Variants in CDK5RAP2 observed in about 807,000 individuals in gnomAD.
CDK5RAP2 encodes CDK5 regulatory subunit-associated protein 2.
A neutral mutation model predicts 232.9 loss-of-function variants in CDK5RAP2; 147 were observed. That is an observed-to-expected ratio of 0.63 (90% CI 0.55 to 0.72). The LOEUF (loss-of-function observed/expected upper bound fraction) is 0.72, where lower values mean the gene tolerates loss of function less well. Among genes scored for constraint, CDK5RAP2 ranks in the 30% least tolerant of loss-of-function variants. The probability of loss-of-function intolerance (pLI) is 0.00; values close to 1 mark genes in which losing one functional copy is unlikely to be tolerated. For missense variants in CDK5RAP2, 2,195 were observed against 2,231.5 expected (o/e 0.98, Z 0.33); for synonymous variants, 833 against 833.7 (o/e 1.00, Z 0.01).
intron 1 of CDK5RAP2, among the ~76,000 whole-genome samples, chr9:120,574,599 A>G (rs1456366889): frequency 6.6e-6 from 1 of 152,194 alleles, no homozygotes; most frequent in Non-Finnish European, 1.5e-5. Flanking sequence ...ATGGTGGAGT[A>G]CCAGTTTCCT....
At chr9:120,443,461 A>G (rs1165924936) in intron 23 of CDK5RAP2, among the ~76,000 whole-genome samples, 159 bp downstream of exon 23, 1 of 152,166 alleles carries the variant, frequency 6.6e-6, no homozygotes, top group Non-Finnish European at 1.5e-5. Context: ...ACCCTGGGTC[A>G]ATTATTTCTT....
chr9:120,508,814 C>T (rs2039947428), intron 12 of CDK5RAP2, among the ~76,000 whole-genome samples: 1 of 152,234 alleles, frequency 6.6e-6, no homozygotes, highest in Non-Finnish European at 1.5e-5. Flanking sequence ...GCATTCGGTC[C>T]ATTCCACTAT....
intron 13 of CDK5RAP2, 77 bp downstream of exon 13, chr9:120,491,230 A>G (rs1217498332): frequency 1.8e-6 from 2 of 1,106,208 alleles, no homozygotes; most frequent in Admixed American, 1.8e-5. Context: ...AATCATAAAT[A>G]TTTCTGCAAA....
chr9:120,439,525 A>C lies in CDK5RAP2; in HGVS notation c.3596T>G (p.Leu1199Arg). Residue 1199 changes from leucine to arginine, a missense_variant, in exon 24 of 38, where the codon CTG becomes CGG. By Grantham distance (102) the Leu-to-Arg change is moderately radical. Coordinates refer to ENST00000349780, the MANE Select transcript of CDK5RAP2 (RefSeq NM_018249.6). ...CTCCAGCTGCTGTTTGAGGTTCTCC[A>C]GCACCCTGCTGTCAATCATCTCTGG... The part of the protein sequence containing the change: ...LAPEMIDSRV[L>R]ENLKQQLEEQ... The C allele has an allele frequency of 3.1e-6, 5 of 1,614,210 alleles. No individual in the cohort carries two copies. Among genetic ancestry groups the C allele is most frequent in the Non-Finnish European group, 4.2e-6 (5 of 1,180,012 alleles).
intron 21 of CDK5RAP2, among the ~76,000 whole-genome samples, chr9:120,448,411 A>G (rs2036310638): frequency 6.6e-6 from 1 of 152,080 alleles, no homozygotes; most frequent in African/African-American, 2.4e-5. Flanking sequence ...TCTTCTTCCA[A>G]CCTGATCTTC....
chr9:120,546,792 C>T (rs2041858876), intron 4 of CDK5RAP2, among the ~76,000 whole-genome samples: 1 of 151,996 alleles, frequency 6.6e-6, no homozygotes, highest in Non-Finnish European at 1.5e-5. Context: ...CACTGCCACA[C>T]CCGTCTTTTC....
intron 28 of CDK5RAP2, among the ~76,000 whole-genome samples, chr9:120,413,017 CT>C (rs2033946904): frequency 6.6e-6 from 1 of 152,170 alleles, no homozygotes; most frequent in Non-Finnish European, 1.5e-5. Flanking sequence ...TTCCCTAAGT[CT>C]CCATTAACTC....
chr9:120,421,167 G>A (rs979292631), intron 26 of CDK5RAP2, among the ~76,000 whole-genome samples: 2 of 152,098 alleles, frequency 1.3e-5, no homozygotes, highest in African/African-American at 4.8e-5. Flanking sequence ...CTCCAGCTTT[G>A]ACCCTCTATG....
rs142191971 is a variant in CDK5RAP2 at position 120,529,164 on chromosome 9, T to C, written c.826-367A>G. Among the ~76,000 whole-genome samples, 48 of 152,346 alleles carry C rather than the reference T, an allele frequency of 3.2e-4. 1 individual carries two copies. Among genetic ancestry groups the C allele is most frequent in the African/African-American group, 1.0e-3 (42 of 41,582 alleles). On this transcript the variant is annotated intron_variant, in intron 8 of 37. Coordinates refer to ENST00000349780, the MANE Select transcript of CDK5RAP2 (RefSeq NM_018249.6). ...AAAACGAACTGGCAAGGCCACAGCA[T>C]CCACTGCTGTGGTAGGAGCACAGGC...
At chr9:120,503,978 C>T (rs1227541675) in intron 12 of CDK5RAP2, among the ~76,000 whole-genome samples, 1 of 152,074 alleles carries the variant, frequency 6.6e-6, no homozygotes, top group Non-Finnish European at 1.5e-5. Context: ...AGATGAAAAG[C>T]GAGGATTTGG....
Position 120,455,027 on chromosome 9 carries a change from G to A in CDK5RAP2, c.2376-1154C>T, listed in dbSNP as rs565293862. On this transcript the variant is annotated intron_variant, in intron 20 of 37. Coordinates refer to ENST00000349780, the MANE Select transcript of CDK5RAP2 (RefSeq NM_018249.6). ...ATGTAAAACACCTGGAATGGTGCTC[G>A]GGTGGAGTAACTCAAGAAGAGCCCC... Among the ~76,000 whole-genome samples the A allele has an allele frequency of 4.6e-5, 7 of 152,332 alleles. No homozygotes were observed. The South Asian group carries it at 1.0e-3, about 23-fold the overall frequency.
At chr9:120,549,410 T>C (rs2041970454) in intron 4 of CDK5RAP2, among the ~76,000 whole-genome samples, 1 of 152,176 alleles carries the variant, frequency 6.6e-6, no homozygotes, top group African/African-American at 2.4e-5. Context: ...TTCTAAACCA[T>C]GTGCACCTAT....
At chr9:120,437,248 G>A (rs1399724468) in intron 25 of CDK5RAP2, 47 bp downstream of exon 25, 1 of 1,372,544 alleles carries the variant, frequency 7.3e-7, no homozygotes, top group Non-Finnish European at 1.0e-6. Context: ...AAGAAGTCCT[G>A]GGTCAATTAC....
intron 26 of CDK5RAP2, among the ~76,000 whole-genome samples, chr9:120,420,173 G>C (rs2034481786): frequency 6.6e-6 from 1 of 152,210 alleles, no homozygotes; most frequent in South Asian, 2.1e-4. Flanking sequence ...ACAAGGGGAA[G>C]CAGGGGATTG....
chr9:120,575,730 C>T (rs975048416), intron 1 of CDK5RAP2, among the ~76,000 whole-genome samples: 1 of 152,116 alleles, frequency 6.6e-6, no homozygotes, highest in Non-Finnish European at 1.5e-5. Context: ...CCATCTAGAA[C>T]CCGCCTAGGA....
At position 120,402,787 on chromosome 9, in the gene CDK5RAP2, A is replaced by AG; in HGVS notation, c.5307+18dup. On this transcript the variant is annotated intron_variant, in intron 34 of 37. Coordinates refer to ENST00000349780, the MANE Select transcript of CDK5RAP2 (RefSeq NM_018249.6). ...TCCCAGGGAGCAGCTTGTGCCCCCC[A>AG]GCTCTGTGGTCAGGTTACCTTTGTT... The AG allele has an allele frequency of 6.2e-7, 1 of 1,612,988 alleles. No individual in the cohort carries two copies. The highest frequency in any genetic ancestry group is 8.5e-7 in the Non-Finnish European group (1 of 1,179,814).
At chr9:120,471,968 T>C in intron 15 of CDK5RAP2, 90 bp from the exon 16 acceptor site, 1 of 1,531,042 alleles carries the variant, frequency 6.5e-7, no homozygotes, top group Non-Finnish European at 9.0e-7. Flanking sequence ...GATTTTTATG[T>C]CATTTGTGTT....
At chr9:120,569,285 G>A (rs531175062) in intron 2 of CDK5RAP2, among the ~76,000 whole-genome samples, 1 of 152,252 alleles carries the variant, frequency 6.6e-6, no homozygotes, top group South Asian at 2.1e-4. Context: ...GAAACATCAG[G>A]AAACAAACAA....
intron 17 of CDK5RAP2, among the ~76,000 whole-genome samples, chr9:120,468,825 CCCAATGGCCA>C (rs2037530294): frequency 6.6e-6 from 1 of 152,214 alleles, no homozygotes; most frequent in Non-Finnish European, 1.5e-5. Context: ...GGCTTCAAAT[CCCAATGGCCA>C]GTAATTTTCC....
Sources: allele counts gnomAD v4.1 joint callset (sites outside exome capture counted in the v4.1 genomes callset), GRCh38; gene constraint gnomAD v4.1.1; transcripts MANE v1.5; gene names NCBI Gene and HGNC (gene_info 2026-07-23, HGNC 2026-07-21).